Variants in LAMA1 observed in about 807,000 individuals in gnomAD.
The protein encoded by LAMA1 is laminin subunit alpha-1.
In LAMA1, 219 loss-of-function variants were observed where a neutral mutation model predicts 348.7. The observed-to-expected ratio is 0.63, with a 90% CI of 0.56 to 0.70. LAMA1 has a LOEUF of 0.70. Among genes scored for constraint, LAMA1 ranks in the 30% least tolerant of loss-of-function variants. The pLI is 0.00. For synonymous variants in LAMA1, 1,487 were observed against 1,491.0 expected (o/e 1.00, Z 0.06); for missense variants, 3,744 against 3,888.0 (o/e 0.96, Z 0.99).
Position 6,949,226 on chromosome 18 carries a change from T to A in LAMA1, c.8431A>T (p.Ile2811Leu), listed in dbSNP as rs767513459. 1.2e-6 allele frequency: 2 copies of A among 1,614,232 alleles called. No homozygotes were observed. The highest frequency in any genetic ancestry group is 3.3e-4 in the Middle Eastern group (2 of 6,062). Residue 2811 changes from isoleucine to leucine, a missense_variant, in exon 59 of 63, where the codon ATA becomes TTA. Physicochemically the swap from Ile to Leu is conservative, Grantham distance 5. Coordinates refer to ENST00000389658, the MANE Select transcript of LAMA1 (RefSeq NM_005559.4). ...KTDYVKRKGFITVDGRESPMV... is the reference protein window; with the variant it reads ...KTDYVKRKGFLTVDGRESPMV... The stretch of plus-strand genomic sequence containing the variant: ...GGAGACTCTCGGCCGTCGACAGTTA[T>A]GAAGCCTTTTCTTTTAACATAGTCT...
rs35224545 is a variant in LAMA1, at chr18:7,065,232, C to CAA, written c.346-14298_346-14297dup. ...TGGGTGACAGAGTGAGACTCTATCT[C>CAA]AAAAAAAAAAAAAAAAAAAAACAAC... On this transcript the variant is annotated intron_variant, in intron 3 of 62. Transcript: ENST00000389658. Among the ~76,000 whole-genome samples, 118 of 71,232 alleles carry CAA rather than the reference C, an allele frequency of 1.7e-3. 1 individual carries two copies. Among genetic ancestry groups the CAA allele is most frequent in the African/African-American group, 4.2e-3 (70 of 16,620 alleles). 46.7% of individuals were successfully genotyped at this position (71,232 alleles called of 152,430 possible).
At chr18:7,005,736 C>A (rs1008489867) in intron 29 of LAMA1, among the ~76,000 whole-genome samples, 4 of 151,914 alleles carry the variant, frequency 2.6e-5, no homozygotes, top group African/African-American at 9.7e-5. Context: ...ACAGAGCAAG[C>A]CTCCATCTTG....
intron 13 of LAMA1, 66 bp from the exon 14 acceptor site, chr18:7,034,756 C>G (rs558246171): frequency 4.0e-6 from 6 of 1,488,366 alleles, no homozygotes; most frequent in Non-Finnish European, 5.5e-6. Context: ...AAAATAAAAT[C>G]AAATTTTGTA....
chr18:7,017,098 A>G lies in LAMA1; in HGVS notation c.2808+180T>C, dbSNP rs191217224. On this transcript the variant is annotated intron_variant, in intron 20 of 62. Transcript: ENST00000389658. ...TTGTAAGTTTCCTGAGGCCTCCCCA[A>G]CCATGCGAAACTGTGAGTCAATCAA... Among the ~76,000 whole-genome samples the G allele has an allele frequency of 2.8e-4, 42 of 152,294 alleles. 1 individual carries two copies. The East Asian group carries it at 6.2e-3, about 22-fold the overall frequency.
chr18:6,963,118 A>G (rs2057616035), intron 51 of LAMA1, among the ~76,000 whole-genome samples: 1 of 151,280 alleles, frequency 6.6e-6, no homozygotes, highest in Non-Finnish European at 1.5e-5. Flanking sequence ...CAACTATATG[A>G]TTTTGGACAA....
At chr18:7,052,052 C>G (rs922594313) in intron 3 of LAMA1, among the ~76,000 whole-genome samples, 1 of 152,080 alleles carries the variant, frequency 6.6e-6, no homozygotes, top group Admixed American at 6.6e-5. Flanking sequence ...TAGAAACACA[C>G]GCTATGGTGC....
chr18:7,060,089 TATC>T (rs1418650004), intron 3 of LAMA1, among the ~76,000 whole-genome samples: 2 of 152,204 alleles, frequency 1.3e-5, no homozygotes, highest in African/African-American at 4.8e-5. Flanking sequence ...CTTAGTCAAT[TATC>T]AGCACGTGAA....
chr18:7,076,722 T>C (rs968399305), intron 3 of LAMA1: 5 of 151,202 alleles, frequency 3.3e-5, no homozygotes, highest in Non-Finnish European at 4.4e-5. Flanking sequence ...TGAATGTGGA[T>C]GGGAAAAGAG....
intron 9 of LAMA1, 76 bp from the exon 10 acceptor site, chr18:7,040,312 G>T: frequency 1.4e-6 from 2 of 1,472,114 alleles, no homozygotes; most frequent in Non-Finnish European, 1.9e-6. Flanking sequence ...AATGTTTTCT[G>T]TAAAGGGTCA....
At chr18:7,017,619 A>T (rs1432146984) in intron 19 of LAMA1, among the ~76,000 whole-genome samples, 1 of 152,220 alleles carries the variant, frequency 6.6e-6, no homozygotes, top group East Asian at 1.9e-4. Flanking sequence ...TATTAAGACA[A>T]TAATTAGCGA....
chr18:6,985,903 C>G (rs548870054), intron 37 of LAMA1, among the ~76,000 whole-genome samples: 1 of 152,040 alleles, frequency 6.6e-6, no homozygotes, highest in Non-Finnish European at 1.5e-5. Flanking sequence ...GGACTACAGG[C>G]GCATGCCACC....
At chr18:7,078,267 C>T (rs1338949297) in intron 3 of LAMA1, among the ~76,000 whole-genome samples, 5 of 150,290 alleles carry the variant, frequency 3.3e-5, no homozygotes, top group Admixed American at 2.0e-4. Context: ...CCTGGGTTCA[C>T]GCCATTCTCC....
chr18:7,049,936 C>T (rs1042936798), intron 4 of LAMA1, among the ~76,000 whole-genome samples: 10 of 152,146 alleles, frequency 6.6e-5, no homozygotes, highest in African/African-American at 2.4e-4. Flanking sequence ...ACAAAGACTA[C>T]GGCATTCATC....
At chr18:7,116,835 TTCTC>T (rs370518469) in intron 1 of LAMA1, among the ~76,000 whole-genome samples, 3 of 150,792 alleles carry the variant, frequency 2.0e-5, no homozygotes, top group Non-Finnish European at 4.4e-5. Flanking sequence ...TCTTTCTTTC[TTCTC>T]TCTCTCTCTC....
In LAMA1 at chr18:6,986,332, T is replaced by C; in HGVS notation, c.5184A>G (p.Leu1728=). 6.2e-7 allele frequency: 1 copy of C among 1,614,102 alleles called. No individual in the cohort carries two copies. Among genetic ancestry groups the C allele is most frequent in the Non-Finnish European group, 8.5e-7 (1 of 1,179,966 alleles). The change falls in exon 37 of 63, where the codon TTA becomes TTG. Residue 1728 remains leucine, a synonymous_variant. Transcript: ENST00000389658. The part of the protein sequence containing the change: ...ATLELKAAED[L]LSQIQENYQK... ...GGTAATTTTCCTGAATTTGTGACAA[T>C]AAATCTTCAGCAGCCCTGATAAATA...
intron 3 of LAMA1, among the ~76,000 whole-genome samples, chr18:7,073,017 A>T (rs1228873847): frequency 1.3e-5 from 2 of 151,120 alleles, no homozygotes; most frequent in Admixed American, 6.6e-5. Flanking sequence ...AAGATAGGAG[A>T]CTCTCTTCCC....
Position 7,075,940 on chromosome 18 carries a change from A to G in LAMA1, c.345+4035T>C, listed in dbSNP as rs577713192. On this transcript the variant is annotated intron_variant, in intron 3 of 62. Coordinates refer to ENST00000389658, the MANE Select transcript of LAMA1 (RefSeq NM_005559.4). ...CGACAGAGTGAGGCTCCATTTAAAA[A>G]AAAAAAAAAAGTACTGATCCATAAT... Among the ~76,000 whole-genome samples the G allele has an allele frequency of 1.5e-3, 236 of 152,278 alleles. 2 individuals are homozygous for G. Among genetic ancestry groups the G allele is most frequent in the African/African-American group, 5.6e-3 (233 of 41,558 alleles).
At chr18:7,019,719 T>C (rs2057907088) in intron 19 of LAMA1, among the ~76,000 whole-genome samples, 1 of 137,720 alleles carries the variant, frequency 7.3e-6, no homozygotes, top group African/African-American at 2.8e-5. Context: ...TCTCACTCCG[T>C]CACCCAGGCT....
rs575980 is a variant in LAMA1 at position 7,044,610 on chromosome 18, A to C, written c.976+112T>G. 1.4e-3 allele frequency: 1,230 copies of C among 898,578 alleles called. 7 individuals are homozygous for C. The African/African-American group carries it at 0.017, about 12-fold the overall frequency. 55.7% of individuals were successfully genotyped at this position (898,578 alleles called of 1,614,324 possible). ...CATCTGCAGCTTTGGAAACTACTTAAATTTCTAAGAAAACAAGTTACCTGC... is the reference window on the plus strand; with the variant it reads ...CATCTGCAGCTTTGGAAACTACTTACATTTCTAAGAAAACAAGTTACCTGC... On this transcript the variant is annotated intron_variant, in intron 7 of 62. Transcript: ENST00000389658.
Sources: allele counts gnomAD v4.1 joint callset (sites outside exome capture counted in the v4.1 genomes callset), GRCh38; gene constraint gnomAD v4.1.1; transcripts MANE v1.5; gene names NCBI Gene and HGNC (gene_info 2026-07-23, HGNC 2026-07-21).